ZNF124: variants seen among roughly 807,000 people sequenced by gnomAD.
ZNF124 encodes the protein zinc finger protein HZF-16.
A neutral mutation model predicts 26.6 loss-of-function variants in ZNF124; 25 were observed. The ratio of observed to expected loss-of-function variants is 0.94; its 90% CI spans 0.68 to 1.31. The LOEUF (loss-of-function observed/expected upper bound fraction) is 1.31, where lower values mean the gene tolerates loss of function less well. ZNF124 is among the 40% of genes most tolerant of loss of function. The pLI, the probability that ZNF124 is intolerant of heterozygous loss-of-function variation, is 0.00. For missense variants in ZNF124, 444 were observed against 422.2 expected (o/e 1.05, Z -0.45); for synonymous variants, 129 against 133.3 (o/e 0.97, Z 0.22).
intron 3 of ZNF124, among the ~76,000 whole-genome samples, chr1:247,124,793 A>G (rs1241403103): frequency 1.3e-5 from 2 of 152,052 alleles, no homozygotes; most frequent in East Asian, 3.9e-4. Context: ...AGTATGTATC[A>G]GCATTTCATT....
intron 3 of ZNF124, among the ~76,000 whole-genome samples, chr1:247,146,188 C>G (rs1672774270): frequency 6.6e-6 from 1 of 152,122 alleles, no homozygotes; most frequent in Non-Finnish European, 1.5e-5. Flanking sequence ...AAAGCAGGGA[C>G]AGAAATTTAG....
downstream of ZNF124, among the ~76,000 whole-genome samples, chr1:247,151,478 CAAA>C (rs565076160): frequency 4.3e-4 from 32 of 73,698 alleles, no homozygotes; most frequent in Non-Finnish European, 8.1e-4. Context: ...GACTCCGTCT[CAAA>C]AAAAAAAAAA....
chr1:247,124,027 A>C (rs371553228), intron 3 of ZNF124, among the ~76,000 whole-genome samples: 2,273 of 146,352 alleles, frequency 0.016, 62 homozygotes, highest in African/African-American at 0.055. Context: ...ACGGGGTTTC[A>C]CCGTGTTAGC....
chr1:247,151,915 TGTTTATA>T (rs1439707308), downstream of ZNF124, among the ~76,000 whole-genome samples: 1 of 152,046 alleles, frequency 6.6e-6, no homozygotes, highest in Non-Finnish European at 1.5e-5. Flanking sequence ...TGCTGCATGA[TGTTTATA>T]TAAAGTATAA....
chr1:247,135,900 C>G (rs1431194397), intron 3 of ZNF124, among the ~76,000 whole-genome samples: 2 of 152,154 alleles, frequency 1.3e-5, no homozygotes, highest in Admixed American at 1.3e-4. Context: ...CATAATCCAT[C>G]AGATAAAGAG....
chr1:247,157,493 A>G, intron 3 of ZNF124, 90 bp from the exon 4 acceptor site: 4 of 1,294,154 alleles, frequency 3.1e-6, no homozygotes, highest in Non-Finnish European at 4.4e-6. Flanking sequence ...TGTTCAGATT[A>G]AAATTTGGCA....
rs564668782 is a variant in ZNF124 at position 247,139,320 on chromosome 1, T to C, written c.219-15449A>G. On this transcript the variant is annotated intron_variant, in intron 3 of 3. Transcript: ENST00000472531. ...GGTTTAAATCTGTTTTGTCAGAAAC[T>C]AGGATTGTAACCCCTGCTTTTCTGT... Among the ~76,000 whole-genome samples, 3 of 152,376 alleles carry C rather than the reference T, an allele frequency of 2.0e-5. No individual in the cohort carries two copies. The South Asian group carries it at 6.2e-4, about 32-fold the overall frequency.
intron 3 of ZNF124, among the ~76,000 whole-genome samples, chr1:247,124,821 A>G (rs1292134608): frequency 1.3e-5 from 2 of 152,146 alleles, no homozygotes; most frequent in Admixed American, 1.3e-4. Flanking sequence ...TTTTAGAGAC[A>G]GGGTCTCGCT....
intron 1 of ZNF124, among the ~76,000 whole-genome samples, chr1:247,161,974 T>A (rs993743840): frequency 2.6e-5 from 4 of 152,182 alleles, no homozygotes; most frequent in Middle Eastern, 3.2e-3. Context: ...TATCAGAGTT[T>A]ATATTCAGCA....
chr1:247,158,887 C>T (rs1443061822), intron 3 of ZNF124, 119 bp downstream of exon 3: 10 of 912,268 alleles, frequency 1.1e-5, no homozygotes, highest in East Asian at 1.1e-4. Context: ...CCTCAGCATC[C>T]CAAAGTGCTG....
intron 3 of ZNF124, among the ~76,000 whole-genome samples, chr1:247,144,097 A>G (rs1672700240): frequency 6.6e-6 from 1 of 152,062 alleles, no homozygotes; most frequent in South Asian, 2.1e-4. Context: ...TGATTTCCAG[A>G]TTTTTCTTTG....
At chr1:247,152,254 G>A (rs1672967737), downstream of ZNF124, among the ~76,000 whole-genome samples, 2 of 150,804 alleles carry the variant, frequency 1.3e-5, no homozygotes, top group African/African-American at 2.4e-5. Flanking sequence ...TTGACACTGC[G>A]ACAGTGTTTA....
In ZNF124 at chr1:247,158,991, G is replaced by A. The variant is rs1388301586; in HGVS notation, c.218+15C>T. On this transcript the variant is annotated intron_variant, in intron 3 of 3. Coordinates refer to ENST00000543802, the MANE Select transcript of ZNF124 (RefSeq NM_001297568.2). ...ACCCCAAGGGGGACTGCTTCCTCTT[G>A]TGAGGGCAAATTACCTTAGATTTCT... 6.2e-7 allele frequency: 1 copy of A among 1,610,784 alleles called. No individual in the cohort carries two copies. Among genetic ancestry groups the A allele is most frequent in the Admixed American group, 1.7e-5 (1 of 59,466 alleles).
rs1358176948 is a variant in ZNF124, at chr1:247,156,058, C to T, written c.*508G>A. ...TCCATAAGGTTTTCCATAATATTTA[C>T]ATTTACAGGATTTATTTCCAGTGGG... On this transcript the variant is annotated 3_prime_UTR_variant, in exon 4 of 4. Coordinates refer to ENST00000543802, the MANE Select transcript of ZNF124 (RefSeq NM_001297568.2). The T allele has an allele frequency of 2.1e-6, 2 of 970,232 alleles. No individual in the cohort carries two copies. Among genetic ancestry groups the T allele is most frequent in the African/African-American group, 3.5e-5 (2 of 56,864 alleles). The allele number at this position is 970,232 out of a possible 1,614,324, so 60.1% of individuals were successfully genotyped here.
chr1:247,154,133 CAG>C (rs1398887414), downstream of ZNF124, among the ~76,000 whole-genome samples: 1 of 146,104 alleles, frequency 6.8e-6, no homozygotes, highest in African/African-American at 2.6e-5. Context: ...CACACACACA[CAG>C]ATATAAGTTG....
intron 1 of ZNF124, among the ~76,000 whole-genome samples, chr1:247,169,302 G>T (rs1330086208): frequency 6.6e-6 from 1 of 152,282 alleles, no homozygotes; most frequent in East Asian, 1.9e-4. Context: ...GAGAGACCAC[G>T]TACTCAAGGA....
chr1:247,159,006 C>T lies in ZNF124; in HGVS notation c.218G>A (p.Arg73Lys), dbSNP rs757827600. 168 of 1,612,994 alleles carry T rather than the reference C, an allele frequency of 1.0e-4. No homozygotes were observed. The highest frequency in any genetic ancestry group is 1.4e-4 in the Non-Finnish European group (160 of 1,179,654). The change falls in exon 3 of 4, where the codon AGG becomes AAG. Residue 73 changes from arginine to lysine, a missense_variant and splice_region_variant. Arg to Lys is a conservative substitution (Grantham distance 26). Transcript: ENST00000543802. ...DQYKNSSRNL[R>K]HIISHSGNNP... ...GCTTCCTCTTGTGAGGGCAAATTAC[C>T]TTAGATTTCTTGAAGAATTTTTGTA... is the stretch of plus-strand genomic sequence containing the variant.
intron 3 of ZNF124, among the ~76,000 whole-genome samples, chr1:247,132,966 CTTTAACCCGGTGTCTGAGGAGTTTTG>C (rs759347624): frequency 4.6e-5 from 7 of 152,210 alleles, no homozygotes; most frequent in African/African-American, 9.6e-5. Context: ...CTCCTTCCCT[CTTTAACCCGGTGTCTGAGGAGTTTTG>C]TCTGTGGCTC....
At chr1:247,143,882 A>T (rs1672692458) in intron 3 of ZNF124, among the ~76,000 whole-genome samples, 1 of 152,212 alleles carries the variant, frequency 6.6e-6, no homozygotes, top group Non-Finnish European at 1.5e-5. Context: ...AAAAAAAAGT[A>T]ACAGTTCTCC....
Sources: gnomAD v4.1 joint callset for allele counts (sites outside exome capture counted in the v4.1 genomes callset) on GRCh38, gnomAD v4.1.1 for gene constraint, MANE v1.5 for transcripts, NCBI Gene and HGNC (gene_info 2026-07-23, HGNC 2026-07-21) for gene names.